Variants in OR6N1 observed in about 807,000 individuals in gnomAD.
OR6N1 encodes the protein olfactory receptor 6N1.
For missense variants in OR6N1, 394 were observed against 371.7 expected (o/e 1.06, Z -0.49); for synonymous variants, 170 against 150.7 (o/e 1.13, Z -0.94).
In OR6N1 at chr1:158,765,816, G is replaced by A. The variant is rs1217878679; in HGVS notation, c.867C>T (p.Ile289=). 3.1e-6 allele frequency: 5 copies of A among 1,614,084 alleles called. No individual in the cohort carries two copies. The highest frequency in any genetic ancestry group is 4.2e-6 in the Non-Finnish European group (5 of 1,180,030). The part of the protein sequence containing the change: ...SVLTPFLNPF[I]YSLRNKEIKE... ...TGATCTCCTTGTTGCGCAAGCTGTAGATGAAGGGGTTGAGGAAGGGTGTGA... is the reference window on the plus strand; with the variant it reads ...TGATCTCCTTGTTGCGCAAGCTGTAAATGAAGGGGTTGAGGAAGGGTGTGA... The change falls in exon 2 of 2, where the codon ATC becomes ATT. Residue 289 remains isoleucine, a synonymous_variant. Coordinates refer to ENST00000641846, the MANE Select transcript of OR6N1 (RefSeq NM_001005185.2).
the OR6N1 span, chr1:158,781,025 A>G: frequency 6.6e-6 from 1 of 152,350 alleles, no homozygotes; most frequent in Admixed American, 6.5e-5. Flanking sequence ...AAATTGAATT[A>G]TTTCAAGTCC....
chr1:158,781,693 T>C, the OR6N1 span, among the ~76,000 whole-genome samples: 3 of 152,210 alleles, frequency 2.0e-5, no homozygotes, highest in African/African-American at 7.2e-5. Context: ...ATTCTTCCTT[T>C]GAGAATCCTC....
the OR6N1 span, among the ~76,000 whole-genome samples, chr1:158,782,946 G>A: frequency 6.6e-6 from 1 of 152,138 alleles, no homozygotes; most frequent in African/African-American, 2.4e-5. Context: ...CTTGTACATA[G>A]TAAGTGATTC....
the OR6N1 span, among the ~76,000 whole-genome samples, chr1:158,793,263 T>G: frequency 6.6e-6 from 1 of 152,138 alleles, no homozygotes; most frequent in Admixed American, 6.5e-5. Context: ...TTGAATGTCT[T>G]AACTGGTATT....
the OR6N1 span, among the ~76,000 whole-genome samples, chr1:158,815,038 G>T: frequency 6.6e-6 from 1 of 152,072 alleles, no homozygotes; most frequent in East Asian, 1.9e-4. Flanking sequence ...GGGAAGCTCT[G>T]CCCTAAGGAA....
At chr1:158,794,960 T>C in the OR6N1 span, among the ~76,000 whole-genome samples, 3 of 152,114 alleles carry the variant, frequency 2.0e-5, no homozygotes, top group Admixed American at 1.3e-4. Context: ...AAAGCTCCCA[T>C]GGAATTCCTA....
upstream of OR6N1, chr1:158,776,741 T>C (rs1346616987): frequency 6.2e-7 from 1 of 1,613,840 alleles, no homozygotes; most frequent in Non-Finnish European, 8.5e-7. Context: ...TTGATAGCTT[T>C]AATGATTTCC....
At chr1:158,814,859 G>A in the OR6N1 span, among the ~76,000 whole-genome samples, 4 of 152,048 alleles carry the variant, frequency 2.6e-5, no homozygotes, top group Non-Finnish European at 5.9e-5. Flanking sequence ...AAAAACTAAA[G>A]CAATAATATT....
the OR6N1 span, among the ~76,000 whole-genome samples, chr1:158,794,123 G>T: frequency 1.3e-5 from 2 of 152,172 alleles, no homozygotes; most frequent in Non-Finnish European, 1.5e-5. Context: ...TCACATCAAA[G>T]TATTTCAGAA....
In OR6N1 at chr1:158,765,069, A is replaced by G. The variant is rs921726194; in HGVS notation, c.*675T>C. On this transcript the variant is annotated 3_prime_UTR_variant, in exon 2 of 2. Coordinates refer to ENST00000641846, the MANE Select transcript of OR6N1 (RefSeq NM_001005185.2). The stretch of plus-strand genomic sequence containing the variant: ...GTGAAGTCTTCGCAGAATAAAATAA[A>G]TAAAAACAAGTCCTTATTTATTTAC... 1.3e-5 allele frequency: 2 copies of G among 152,188 alleles called. No individual in the cohort carries two copies. Among genetic ancestry groups the G allele is most frequent in the African/African-American group, 4.8e-5 (2 of 41,450 alleles). 9.4% of individuals were successfully genotyped at this position (152,188 alleles called of 1,614,324 possible). A position where few individuals can be genotyped will look rare whatever the true frequency, so the allele number is the denominator to read the frequency against.
chr1:158,779,499 A>T, the OR6N1 span, among the ~76,000 whole-genome samples: 1 of 152,244 alleles, frequency 6.6e-6, no homozygotes, highest in African/African-American at 2.4e-5. Context: ...CCACTCAGCC[A>T]ATGCCGAACA....
At chr1:158,823,432 T>G in the OR6N1 span, among the ~76,000 whole-genome samples, 4 of 152,174 alleles carry the variant, frequency 2.6e-5, no homozygotes, top group Non-Finnish European at 5.9e-5. Flanking sequence ...CCTGGTTAAA[T>G]TTTGGGAGGT....
At chr1:158,773,010 A>G (rs2102011587), upstream of OR6N1, among the ~76,000 whole-genome samples, 1 of 152,332 alleles carries the variant, frequency 6.6e-6, no homozygotes, top group East Asian at 1.9e-4. Context: ...TTCCTCAGAT[A>G]AAATTAATAA....
At chr1:158,824,467 G>A in the OR6N1 span, among the ~76,000 whole-genome samples, 8 of 152,158 alleles carry the variant, frequency 5.3e-5, no homozygotes, top group Non-Finnish European at 1.0e-4. Flanking sequence ...ATTTGCTGAG[G>A]ATTGTTTCAT....
chr1:158,835,320 C>T, the OR6N1 span, among the ~76,000 whole-genome samples: 1 of 152,020 alleles, frequency 6.6e-6, no homozygotes, highest in African/African-American at 2.4e-5. Flanking sequence ...TAATTTACCA[C>T]CTTGATTAAG....
the OR6N1 span, among the ~76,000 whole-genome samples, chr1:158,827,543 T>C: frequency 3.3e-5 from 5 of 151,028 alleles, no homozygotes; most frequent in African/African-American, 9.7e-5. Context: ...TCACAGAATA[T>C]GCTATCATCT....
At chr1:158,839,664 G>C in the OR6N1 span, among the ~76,000 whole-genome samples, 1 of 152,188 alleles carries the variant, frequency 6.6e-6, no homozygotes, top group African/African-American at 2.4e-5. Context: ...GAATTAGGAA[G>C]TTTCCTCCTG....
chr1:158,801,982 AC>A, the OR6N1 span, among the ~76,000 whole-genome samples: 10 of 151,912 alleles, frequency 6.6e-5, no homozygotes, highest in Non-Finnish European at 1.3e-4. Flanking sequence ...GGAAATGCTG[AC>A]CTCCCAGGGG....
chr1:158,777,269 A>G, the OR6N1 span: 1 of 1,614,124 alleles, frequency 6.2e-7, no homozygotes, highest in South Asian at 1.1e-5. Context: ...ATGGCCAGGT[A>G]TCTATCATAG....
Sources: allele counts gnomAD v4.1 joint callset (sites outside exome capture counted in the v4.1 genomes callset), GRCh38; gene constraint gnomAD v4.1.1; transcripts MANE v1.5; gene names NCBI Gene and HGNC (gene_info 2026-07-23, HGNC 2026-07-21).